Variants in TBC1D24 observed in about 807,000 individuals in gnomAD.
TBC1D24 encodes the protein TBC1 domain family member 24, also known as Infantile myoclonic epilepsy.
A neutral mutation model predicts 50.7 loss-of-function variants in TBC1D24; 47 were observed. That is an observed-to-expected ratio of 0.93 (90% CI 0.73 to 1.18). TBC1D24 has a LOEUF of 1.18. Among genes scored for constraint, TBC1D24 ranks in the 50% most tolerant of loss-of-function variants. The pLI is 0.00. For missense variants in TBC1D24, 688 were observed against 766.5 expected, an observed-to-expected ratio of 0.90 and a Z score of 1.21; for synonymous variants, 324 against 335.2, an observed-to-expected ratio of 0.97 and a Z score of 0.36.
rs1358031134 is a variant in TBC1D24, at chr16:2,505,196, T to G, written c.*4238T>G. ...ATGTGGATTTTTAAAAATCATCTGG[T>G]ATAAAGAGTTTTTAAGAACTATCTT... is the stretch of plus-strand genomic sequence containing the variant. On this transcript the variant is annotated 3_prime_UTR_variant, in exon 8 of 8. Coordinates refer to ENST00000646147, the MANE Select transcript of TBC1D24 (RefSeq NM_001199107.2). The G allele has an allele frequency of 6.6e-6, 1 of 152,266 alleles. No homozygotes were observed. The highest frequency in any genetic ancestry group is 1.5e-5 in the Non-Finnish European group (1 of 68,046). The allele number at this position is 152,266 out of a possible 1,614,324, so 9.4% of individuals were successfully genotyped here. A position where few individuals can be genotyped will look rare whatever the true frequency, so the allele number is the denominator to read the frequency against.
intron 1 of TBC1D24, chr16:2,476,935 T>C (rs2065573837): frequency 6.6e-6 from 1 of 152,258 alleles, no homozygotes; most frequent in African/African-American, 2.4e-5. Context: ...GCATGCAGTG[T>C]TGCTCTTAAT....
At position 2,501,293 on chromosome 16, in the gene TBC1D24, C is replaced by T. The variant is rs1044289392; in HGVS notation, c.*335C>T. ...TGTCTGGGTCTTGCTGCCCCTGAGC[C>T]TCTCTAGGCAGCCTGAGCCCCTGGG... On this transcript the variant is annotated 3_prime_UTR_variant, in exon 8 of 8. Coordinates refer to ENST00000646147, the MANE Select transcript of TBC1D24 (RefSeq NM_001199107.2). 2.7e-6 allele frequency: 1 copy of T among 375,638 alleles called. No homozygotes were observed. The highest frequency in any genetic ancestry group is 5.3e-5 in the East Asian group (1 of 18,964). The allele number at this position is 375,638 out of a possible 1,614,324, so 23.3% of individuals were successfully genotyped here. A position where few individuals can be genotyped will look rare whatever the true frequency, so the allele number is the denominator to read the frequency against.
rs1418738310 is a variant in TBC1D24 at position 2,496,868 on chromosome 16, G to A, written c.720G>A (p.Leu240=). The change falls in exon 2 of 8, where the codon CTG becomes CTA. Residue 240 remains leucine (L), a synonymous_variant. Coordinates refer to ENST00000646147, the MANE Select transcript of TBC1D24 (RefSeq NM_001199107.2). The part of the protein sequence containing the change: ...DVFLVEGYKV[L]YRVALAILKF... ...TCCTGGTGGAGGGCTACAAGGTGCTGTACCGCGTGGCGCTGGCCATCCTCA... is the reference window on the plus strand; with the variant it reads ...TCCTGGTGGAGGGCTACAAGGTGCTATACCGCGTGGCGCTGGCCATCCTCA... The A allele has an allele frequency of 1.2e-6, 2 of 1,614,128 alleles. No individual in the cohort carries two copies. Among genetic ancestry groups the A allele is most frequent in the South Asian group, 1.1e-5 (1 of 91,086 alleles).
At position 2,505,583 on chromosome 16, in the gene TBC1D24, CAATG is replaced by C. The variant is rs1463737700; in HGVS notation, c.*4630_*4633del. 1 of 152,106 alleles carries C rather than the reference CAATG, an allele frequency of 6.6e-6. No homozygotes were observed. Among genetic ancestry groups the C allele is most frequent in the Non-Finnish European group, 1.5e-5 (1 of 68,018 alleles). 9.4% of individuals were successfully genotyped at this position (152,106 alleles called of 1,614,324 possible). ...ATTGGACTGATGCTTTGGAGCCTCT[CAATG>C]AATGTAATAAAAAAAATGTGTAGTG... On this transcript the variant is annotated 3_prime_UTR_variant, in exon 8 of 8. Coordinates refer to ENST00000646147, the MANE Select transcript of TBC1D24 (RefSeq NM_001199107.2).
At position 2,499,968 on chromosome 16, in the gene TBC1D24, C is replaced by T. The variant is rs9938971; in HGVS notation, c.1302+38C>T. 5,864 of 1,581,896 alleles carry T rather than the reference C, an allele frequency of 3.7e-3. 169 individuals are homozygous for T. The African/African-American group carries it at 0.066, about 18-fold the overall frequency. On this transcript the variant is annotated intron_variant, in intron 6 of 7. Transcript: ENST00000646147. The surrounding 1 kb of genome is among the most constrained non-coding windows in gnomAD (Gnocchi z 4.0). ...AAGTGTCCCCAAACCCCCACGCAGA[C>T]CCTGTAGCTGCATCCCTCCAGGAGC...
Sources: gnomAD v4.1 joint callset for allele counts on GRCh38, gnomAD v4.1.1 for gene constraint, Gnocchi (gnomAD v3.1) non-coding constraint, MANE v1.5 for transcripts, NCBI Gene and HGNC (gene_info 2026-07-23, HGNC 2026-07-21) for gene names.